Variants in RANBP2 observed in about 807,000 individuals in gnomAD.
RANBP2 encodes the protein RAN binding protein 2.
A neutral mutation model predicts 303.6 loss-of-function variants in RANBP2; 57 were observed. That is an observed-to-expected ratio of 0.19 (90% CI 0.15 to 0.23). The LOEUF is 0.23. Among genes scored for constraint, RANBP2 ranks in the 10% least tolerant of loss-of-function variants. The pLI, the probability that RANBP2 is intolerant of heterozygous loss-of-function variation, is 1.00. For synonymous variants in RANBP2, 1,167 were observed against 1,301.5 expected (o/e 0.90, Z 2.23); for missense variants, 3,138 against 3,780.8 (o/e 0.83, Z 4.46).
chr2:109,537,349 A>G, the RANBP2 span, among the ~76,000 whole-genome samples: 1 of 152,336 alleles, frequency 6.6e-6, no homozygotes, highest in African/African-American at 2.4e-5. Flanking sequence ...GAATTACATT[A>G]ATTTCCTAAT....
chr2:109,567,016 GT>G, the RANBP2 span, among the ~76,000 whole-genome samples: 3 of 151,202 alleles, frequency 2.0e-5, no homozygotes, highest in Admixed American at 1.3e-4. Context: ...ACATTAGTCA[GT>G]TTTTTTTTAC....
the RANBP2 span, among the ~76,000 whole-genome samples, chr2:108,892,731 A>G: frequency 6.6e-6 from 1 of 152,126 alleles, no homozygotes; most frequent in African/African-American, 2.4e-5. Flanking sequence ...GGCCACTGGA[A>G]GTCTCTTATT....
the RANBP2 span, among the ~76,000 whole-genome samples, chr2:109,180,539 G>A: frequency 6.6e-6 from 1 of 152,166 alleles, no homozygotes; most frequent in Non-Finnish European, 1.5e-5. Context: ...TGTTGTGGGA[G>A]GGACCCAGTG....
intron 24 of RANBP2, among the ~76,000 whole-genome samples, chr2:108,776,276 G>T (rs1005685173): frequency 6.6e-6 from 1 of 152,084 alleles, no homozygotes; most frequent in Non-Finnish European, 1.5e-5. Flanking sequence ...TATCACTCAA[G>T]CATATTCAAA....
the RANBP2 span, among the ~76,000 whole-genome samples, chr2:109,468,855 GAAAAA>G: frequency 9.3e-5 from 6 of 64,860 alleles, no homozygotes; most frequent in African/African-American, 3.2e-4. Context: ...CTCTGTCTCA[GAAAAA>G]AAAAAAAAAA....
the RANBP2 span, among the ~76,000 whole-genome samples, chr2:109,165,768 A>G: frequency 6.6e-6 from 1 of 151,960 alleles, no homozygotes; most frequent in Non-Finnish European, 1.5e-5. Flanking sequence ...TTTTTTAGTT[A>G]CTTAAGAATC....
At chr2:108,737,053 G>A (rs1324684040) in intron 6 of RANBP2, among the ~76,000 whole-genome samples, 1 of 147,352 alleles carries the variant, frequency 6.8e-6, no homozygotes, top group Non-Finnish European at 1.5e-5. Context: ...CCATGTGGAA[G>A]TTAATTTATT....
chr2:109,460,434 A>G, the RANBP2 span, among the ~76,000 whole-genome samples: 1 of 152,168 alleles, frequency 6.6e-6, no homozygotes, highest in South Asian at 2.1e-4. Flanking sequence ...TGGTAGTCGT[A>G]GCCAGGTTGG....
the RANBP2 span, chr2:109,585,858 A>G: frequency 6.3e-7 from 1 of 1,591,930 alleles, no homozygotes; most frequent in Non-Finnish European, 8.6e-7. Flanking sequence ...AATAAAAACA[A>G]AAACAACAGC....
At chr2:109,544,301 C>T in the RANBP2 span, 109 of 1,595,144 alleles carry the variant, frequency 6.8e-5, 1 homozygote, top group Non-Finnish European at 9.3e-5. Flanking sequence ...TGCTCTGGAA[C>T]TTCTGTTTTA....
At chr2:108,856,922 C>G in the RANBP2 span, 6 of 1,612,784 alleles carry the variant, frequency 3.7e-6, no homozygotes, top group Non-Finnish European at 5.1e-6. Flanking sequence ...CAGTAAAGGA[C>G]TCCTGTCTAA....
At chr2:108,941,857 C>T in the RANBP2 span, among the ~76,000 whole-genome samples, 77 of 152,350 alleles carry the variant, frequency 5.1e-4, no homozygotes, top group African/African-American at 1.6e-3. Context: ...TTCCCAGCCT[C>T]AGTGAACGTG....
chr2:108,754,759 A>G, intron 15 of RANBP2, 146 bp from the exon 16 acceptor site: 1 of 1,237,426 alleles, frequency 8.1e-7, no homozygotes, highest in Non-Finnish European at 1.1e-6. Flanking sequence ...AGATAATTAA[A>G]AAACACTTTC....
the RANBP2 span, among the ~76,000 whole-genome samples, chr2:109,520,616 A>AG: frequency 3.2e-5 from 3 of 93,454 alleles, no homozygotes; most frequent in East Asian, 8.3e-4. Flanking sequence ...AAAAAAAAAA[A>AG]AAAAAAAAGA....
chr2:109,171,466 C>T, the RANBP2 span, among the ~76,000 whole-genome samples: 2 of 152,242 alleles, frequency 1.3e-5, no homozygotes, highest in Admixed American at 1.3e-4. Flanking sequence ...TCCTGCTCCA[C>T]GCTTGCCCCC....
chr2:109,605,715 ATGC>A, the RANBP2 span: 1 of 152,212 alleles, frequency 6.6e-6, no homozygotes, highest in Non-Finnish European at 1.5e-5. Flanking sequence ...TCAAATTATA[ATGC>A]TGTATTAGGT....
chr2:108,934,645 T>A, the RANBP2 span, among the ~76,000 whole-genome samples: 1 of 152,144 alleles, frequency 6.6e-6, no homozygotes, highest in Non-Finnish European at 1.5e-5. Context: ...CATGTCATAA[T>A]ATGGCAGAGG....
At chr2:109,259,691 GGAA>G in the RANBP2 span, among the ~76,000 whole-genome samples, 2 of 152,330 alleles carry the variant, frequency 1.3e-5, no homozygotes, top group East Asian at 1.9e-4. Context: ...CACGGCCTAC[GGAA>G]GAAGAATTTG....
At chr2:109,572,946 G>C in the RANBP2 span, among the ~76,000 whole-genome samples, 1 of 151,990 alleles carries the variant, frequency 6.6e-6, no homozygotes, top group African/African-American at 2.4e-5. Context: ...TAAGAGGCAG[G>C]TATTTTTACA....
Sources: allele counts gnomAD v4.1 joint callset (sites outside exome capture counted in the v4.1 genomes callset), GRCh38; gene constraint gnomAD v4.1.1; transcripts MANE v1.5; gene names NCBI Gene and HGNC (gene_info 2026-07-23, HGNC 2026-07-21).